WDR7: variants seen among roughly 807,000 people sequenced by gnomAD.
WDR7 encodes WD repeat domain 7.
WDR7 carries 46 observed loss-of-function variants against 169.4 expected under a neutral mutation model. That is an observed-to-expected ratio of 0.27 (90% confidence interval 0.21 to 0.35). The LOEUF (loss-of-function observed/expected upper bound fraction) is 0.35. Among genes scored for constraint, WDR7 ranks in the 10% least tolerant of loss-of-function variants. The pLI is 1.00. For synonymous variants in WDR7, 612 were observed against 666.8 expected (o/e 0.92, Z 1.27); for missense variants, 1,534 against 1,859.3 (o/e 0.83, Z 3.22).
intron 20 of WDR7, among the ~76,000 whole-genome samples, chr18:56,870,330 A>G (rs1159391702): frequency 6.6e-6 from 1 of 152,158 alleles, no homozygotes; most frequent in African/African-American, 2.4e-5. Context: ...ACAAGTAGGT[A>G]TGGAAAATGT....
Position 56,848,623 on chromosome 18 carries a change from A to G in WDR7, c.3305-31321A>G, listed in dbSNP as rs566562142. Among the ~76,000 whole-genome samples, 9 of 152,234 alleles carry G rather than the reference A, an allele frequency of 5.9e-5. No individual in the cohort carries two copies. In the South Asian group the frequency reaches 1.0e-3, roughly 18 times the overall value. On this transcript the variant is annotated intron_variant, in intron 20 of 27. Coordinates refer to ENST00000254442, the MANE Select transcript of WDR7 (RefSeq NM_015285.3). ...GGTCCTGGTGGGAGGTGCTTGAGTC[A>G]TGGGGGTGGATCCCTCATGAATGGC...
intron 20 of WDR7, among the ~76,000 whole-genome samples, chr18:56,863,031 G>C (rs2045830668): frequency 6.6e-6 from 1 of 151,802 alleles, no homozygotes; most frequent in African/African-American, 2.4e-5. Flanking sequence ...CCTATACCCA[G>C]TGAGATTTGA....
rs1186848454 is a variant in WDR7, at chr18:57,029,055, G to C, written c.*1848G>C. 5.2e-5 allele frequency: 8 copies of C among 152,596 alleles called. No homozygotes were observed. The allele number at this position is 152,596 out of a possible 1,614,324, so 9.5% of individuals were successfully genotyped here. ...TATACCCAACATATGTTTACTTTAT[G>C]AACTTAAATGGAAATTAATTTATTG... On this transcript the variant is annotated 3_prime_UTR_variant, in exon 28 of 28. Coordinates refer to ENST00000254442, the MANE Select transcript of WDR7 (RefSeq NM_015285.3).
chr18:56,908,653 A>T (rs2046512336), intron 21 of WDR7, among the ~76,000 whole-genome samples: 1 of 152,240 alleles, frequency 6.6e-6, no homozygotes, highest in East Asian at 1.9e-4. Context: ...TGGAGAAGTA[A>T]TTTTTCTCAT....
intron 27 of WDR7, among the ~76,000 whole-genome samples, chr18:57,026,546 A>G (rs546444188): frequency 3.3e-5 from 5 of 152,318 alleles, no homozygotes; most frequent in East Asian, 1.9e-4. Context: ...TTGTCACTCT[A>G]TCTACTGCTT....
intron 26 of WDR7, among the ~76,000 whole-genome samples, chr18:57,001,115 A>T (rs979744059): frequency 2.6e-5 from 4 of 152,130 alleles, no homozygotes; most frequent in Non-Finnish European, 1.5e-5. Context: ...GGGCCCAAAA[A>T]TAAAAACATT....
intron 1 of WDR7, among the ~76,000 whole-genome samples, chr18:56,665,374 AAC>A (rs1452386511): frequency 9.7e-6 from 1 of 103,084 alleles, no homozygotes; most frequent in African/African-American, 3.1e-5. Flanking sequence ...TATAATGGAA[AAC>A]ACAATGATGG....
chr18:56,914,928 T>C (rs4300736), intron 21 of WDR7, among the ~76,000 whole-genome samples: 1 of 152,218 alleles, frequency 6.6e-6, no homozygotes, highest in Non-Finnish European at 1.5e-5. Context: ...GAAAAAAATG[T>C]GCTTTAAATC....
chr18:56,721,056 A>G (rs2026309320), intron 13 of WDR7, among the ~76,000 whole-genome samples: 1 of 152,008 alleles, frequency 6.6e-6, no homozygotes. Context: ...TATTAAATAA[A>G]TAAAAAATGA....
intron 16 of WDR7, among the ~76,000 whole-genome samples, chr18:56,760,402 T>A (rs928139259): frequency 6.6e-6 from 1 of 152,244 alleles, no homozygotes; most frequent in Non-Finnish European, 1.5e-5. Context: ...CTCTATTGTT[T>A]AATTTTGCCT....
intron 25 of WDR7, 65 bp from the exon 26 acceptor site, chr18:56,962,365 T>A: frequency 7.4e-7 from 1 of 1,354,992 alleles, no homozygotes; most frequent in Non-Finnish European, 1.1e-6. Context: ...GCTGTCCACT[T>A]CCAAGTGCAG....
chr18:56,754,404 CACATAT>C (rs2043849511), intron 14 of WDR7, among the ~76,000 whole-genome samples: 1 of 124,818 alleles, frequency 8.0e-6, no homozygotes, highest in African/African-American at 3.2e-5. Context: ...TGTATATATA[CACATAT>C]ATACACACAC....
intron 11 of WDR7, among the ~76,000 whole-genome samples, chr18:56,695,537 C>CT (rs774362260): frequency 0.011 from 1,500 of 139,388 alleles, 19 homozygotes; most frequent in African/African-American, 0.026. Context: ...CAATAGAAAT[C>CT]TTTTTTTTTT....
chr18:56,658,016 T>C (rs1367870385), intron 1 of WDR7, among the ~76,000 whole-genome samples: 7 of 152,222 alleles, frequency 4.6e-5, no homozygotes, highest in Non-Finnish European at 1.0e-4. Context: ...CTGGTCAGTT[T>C]AGGGGAGGGA....
chr18:56,996,513 T>G (rs1200736177), intron 26 of WDR7, among the ~76,000 whole-genome samples: 3 of 152,230 alleles, frequency 2.0e-5, no homozygotes, highest in Non-Finnish European at 4.4e-5. Flanking sequence ...TGTAAAATTT[T>G]TAGTAGTTTT....
intron 23 of WDR7, 167 bp downstream of exon 23, chr18:56,936,072 G>A (rs961776530): frequency 1.7e-6 from 1 of 588,188 alleles, no homozygotes; most frequent in African/African-American, 1.9e-5. Flanking sequence ...CATGTACACT[G>A]AATTCCACGG....
At chr18:56,896,147 T>C (rs926162411) in intron 21 of WDR7, among the ~76,000 whole-genome samples, 1 of 151,800 alleles carries the variant, frequency 6.6e-6, no homozygotes, top group African/African-American at 2.4e-5. Context: ...GTAAGACTTA[T>C]AGAAAAAAAT....
intron 19 of WDR7, among the ~76,000 whole-genome samples, chr18:56,790,449 T>C (rs949623517): frequency 2.6e-5 from 4 of 152,198 alleles, no homozygotes; most frequent in East Asian, 3.9e-4. Context: ...TATGACAGAA[T>C]AGATCTTACG....
intron 21 of WDR7, among the ~76,000 whole-genome samples, chr18:56,904,768 C>G (rs2046453309): frequency 6.6e-6 from 1 of 152,116 alleles, no homozygotes; most frequent in Non-Finnish European, 1.5e-5. Context: ...GGAAACTCAC[C>G]TTCAATTAAC....
Sources: allele counts gnomAD v4.1 joint callset (sites outside exome capture counted in the v4.1 genomes callset), GRCh38; gene constraint gnomAD v4.1.1; transcripts MANE v1.5; gene names NCBI Gene and HGNC (gene_info 2026-07-23, HGNC 2026-07-21).